The following C10orf90 variants were observed in gnomAD, a reference collection of about 807,000 sequenced individuals.
C10orf90 encodes (E2-independent) E3 ubiquitin-conjugating enzyme FATS.
In C10orf90, 56 loss-of-function variants were observed where a neutral mutation model predicts 62.5. That is an observed-to-expected ratio of 0.90 (90% CI 0.72 to 1.12). C10orf90 has a LOEUF of 1.12. Ranked by LOEUF, C10orf90 falls within the 50% of genes most tolerant of loss-of-function variation. The pLI is 0.00. For synonymous variants in C10orf90, 386 were observed against 340.4 expected (o/e 1.13, Z -1.47); for missense variants, 970 against 880.4 (o/e 1.10, Z -1.29).
chr10:126,569,887 G>A (rs1425846085), intron 2 of C10orf90, among the ~76,000 whole-genome samples: 2 of 152,086 alleles, frequency 1.3e-5, no homozygotes, highest in Non-Finnish European at 2.9e-5. Flanking sequence ...GGAGAAAGCA[G>A]GTTGTGTGTC....
At chr10:126,653,535 C>G (rs565977843) in intron 1 of C10orf90, among the ~76,000 whole-genome samples, 2 of 152,356 alleles carry the variant, frequency 1.3e-5, no homozygotes, top group South Asian at 4.1e-4. Context: ...TCAGGCTCCA[C>G]TTCTAATTCA....
intron 7 of C10orf90, among the ~76,000 whole-genome samples, chr10:126,442,087 G>T (rs1312154290): frequency 6.6e-6 from 1 of 151,940 alleles, no homozygotes; most frequent in Non-Finnish European, 1.5e-5. Context: ...TAGCCTAAAT[G>T]CTCCACTTAA....
intron 2 of C10orf90, among the ~76,000 whole-genome samples, chr10:126,531,721 A>C (rs2133955913): frequency 6.6e-6 from 1 of 152,374 alleles, no homozygotes; most frequent in African/African-American, 2.4e-5. Flanking sequence ...TAAACTGAGG[A>C]GGCAAAGTTT....
At position 126,606,493 on chromosome 10, in the gene C10orf90, G is replaced by T. The variant is rs374177636; in HGVS notation, c.313+40072C>A. ...CTATAAGTCGTTTATGCCATTTCTC[G>T]AAGTTATCCGGTGTGGGCTCTCCAA... On this transcript the variant is annotated intron_variant, in intron 2 of 9. Transcript: ENST00000488181. Among the ~76,000 whole-genome samples, 3 of 152,160 alleles carry T rather than the reference G, an allele frequency of 2.0e-5. No homozygotes were observed. The East Asian group carries it at 5.8e-4, about 29-fold the overall frequency.
chr10:126,663,612 A>G (rs564238983), intron 1 of C10orf90, among the ~76,000 whole-genome samples: 1 of 151,956 alleles, frequency 6.6e-6, no homozygotes, highest in Non-Finnish European at 1.5e-5. Context: ...TGGCTTCCAC[A>G]CTGTCCTCTC....
chr10:126,457,682 C>G (rs1348111390), intron 7 of C10orf90, among the ~76,000 whole-genome samples: 1 of 152,110 alleles, frequency 6.6e-6, no homozygotes, highest in East Asian at 1.9e-4. Context: ...GCTGAGGGGC[C>G]CACACAGCCT....
intron 5 of C10orf90, chr10:126,463,309 A>G: frequency 6.6e-6 from 1 of 152,616 alleles, no homozygotes; most frequent in East Asian, 1.9e-4. Context: ...CCTCCTTCAC[A>G]GTGACTCCAC....
intron 2 of C10orf90, among the ~76,000 whole-genome samples, chr10:126,642,331 G>C (rs1200894892): frequency 4.6e-5 from 7 of 152,238 alleles, no homozygotes; most frequent in Non-Finnish European, 1.0e-4. Flanking sequence ...GGGAGATCGA[G>C]ACCATCCTGG....
At chr10:126,437,294 G>A (rs2134009137) in intron 7 of C10orf90, among the ~76,000 whole-genome samples, 1 of 152,334 alleles carries the variant, frequency 6.6e-6, no homozygotes, top group Middle Eastern at 3.4e-3. Context: ...CAACATCTGT[G>A]TGGCTTCCAG....
At chr10:126,647,090 G>A (rs1846186817) in intron 1 of C10orf90, among the ~76,000 whole-genome samples, 1 of 152,178 alleles carries the variant, frequency 6.6e-6, no homozygotes, top group Admixed American at 6.5e-5. Flanking sequence ...GAATGTATAG[G>A]AAACTATTCT....
chr10:126,649,705 C>T lies in C10orf90; in HGVS notation c.241-3068G>A, dbSNP rs184330933. Among the ~76,000 whole-genome samples, 4 of 152,264 alleles carry T rather than the reference C, an allele frequency of 2.6e-5. No homozygotes were observed. The East Asian group carries it at 5.8e-4, about 22-fold the overall frequency. The stretch of plus-strand genomic sequence containing the variant: ...ACACTGATGCATGTGAATCTACAAC[C>T]GATGTCTGCATCTTCCCTCAACCAT... On this transcript the variant is annotated intron_variant, in intron 1 of 9. Coordinates refer to ENST00000488181, the MANE Select transcript of C10orf90 (RefSeq NM_001350921.2).
intron 2 of C10orf90, among the ~76,000 whole-genome samples, chr10:126,573,658 C>T (rs886915674): frequency 1.3e-5 from 2 of 152,186 alleles, no homozygotes; most frequent in Non-Finnish European, 2.9e-5. Context: ...ATGCTGCGCA[C>T]ACCTCCTCAC....
At chr10:126,467,091 T>C (rs1564812773) in intron 4 of C10orf90, among the ~76,000 whole-genome samples, 1 of 152,240 alleles carries the variant, frequency 6.6e-6, no homozygotes, top group Non-Finnish European at 1.5e-5. Flanking sequence ...TGTATTTATT[T>C]ATAGATTTAC....
intron 4 of C10orf90, among the ~76,000 whole-genome samples, chr10:126,484,262 C>T (rs961256695): frequency 4.6e-5 from 7 of 152,198 alleles, no homozygotes; most frequent in East Asian, 3.9e-4. Context: ...TCACAACTAC[C>T]GCAATTCTCT....
chr10:126,464,953 C>T lies in C10orf90; in HGVS notation c.1568G>A (p.Arg523Lys), dbSNP rs1337635954. 2 of 1,595,206 alleles carry T rather than the reference C, an allele frequency of 1.3e-6. No individual in the cohort carries two copies. The highest frequency in any genetic ancestry group is 1.3e-5 in the African/African-American group (1 of 74,628). The change falls in exon 5 of 10, where the codon AGG becomes AAG. Residue 523 changes from arginine (R) to lysine (K), a missense_variant. Transcript: ENST00000488181. ...AGTCATACATACTTCTCCTTGTTGCCTCTTGCTGCTTCCAGAAAATACTTT... is the reference window on the plus strand; with the variant it reads ...AGTCATACATACTTCTCCTTGTTGCTTCTTGCTGCTTCCAGAAAATACTTT... ...HTKVFSGSSK[R>K]QQGEVCMTVS...
intron 2 of C10orf90, chr10:126,524,416 CA>C (rs1427691996): frequency 6.4e-6 from 1 of 155,938 alleles, no homozygotes; most frequent in Non-Finnish European, 1.4e-5. Flanking sequence ...AGAAAGATTT[CA>C]GAGCTGGGAG....
rs148168995 is a variant in C10orf90 at position 126,646,695 on chromosome 10, TC to T, written c.241-59del. The stretch of plus-strand genomic sequence containing the variant: ...ATATTTTGATTTGCCAGATATATAA[TC>T]TTTAATAATGTACATTATTTTTTTA... On this transcript the variant is annotated intron_variant, in intron 1 of 9. Coordinates refer to ENST00000488181, the MANE Select transcript of C10orf90 (RefSeq NM_001350921.2). The T allele has an allele frequency of 2.7e-3, 1,070 of 389,926 alleles. 3 individuals carry two copies. The highest frequency in any genetic ancestry group is 4.1e-3 in the Non-Finnish European group (814 of 200,176). 24.2% of individuals were successfully genotyped at this position (389,926 alleles called of 1,614,324 possible).
Position 126,490,050 on chromosome 10 carries a change from T to TA in C10orf90, c.1534+13906_1534+13907insT, listed in dbSNP as rs1460973284. Among the ~76,000 whole-genome samples, 260 of 94,788 alleles carry TA rather than the reference T, an allele frequency of 2.7e-3. 1 individual carries two copies. The highest frequency in any genetic ancestry group is 9.1e-3 in the African/African-American group (238 of 26,126). The allele number at this position is 94,788 out of a possible 152,430, so 62.2% of individuals were successfully genotyped here. On this transcript the variant is annotated intron_variant, in intron 4 of 9. Coordinates refer to ENST00000488181, the MANE Select transcript of C10orf90 (RefSeq NM_001350921.2). ...TATAATATATAATATATATTATATATTATGTTATATAATATATAATATATA... is the reference window on the plus strand; with the variant it reads ...TATAATATATAATATATATTATATATATATGTTATATAATATATAATATATA...
chr10:126,628,844 A>G (rs1008813636), intron 2 of C10orf90, among the ~76,000 whole-genome samples: 1 of 152,122 alleles, frequency 6.6e-6, no homozygotes, highest in African/African-American at 2.4e-5. Context: ...CAGGAGTGCA[A>G]CTGGTGATCC....
Sources: allele counts gnomAD v4.1 joint callset (sites outside exome capture counted in the v4.1 genomes callset), GRCh38; gene constraint gnomAD v4.1.1; transcripts MANE v1.5; gene names NCBI Gene and HGNC (gene_info 2026-07-23, HGNC 2026-07-21).